Variants in GLRA2 observed in about 807,000 individuals in gnomAD.
GLRA2 encodes glycine receptor subunit alpha-2.
In GLRA2, 11 loss-of-function variants were observed where a neutral mutation model predicts 31.6. The observed-to-expected ratio is 0.35, with a 90% CI of 0.22 to 0.58. The LOEUF (loss-of-function observed/expected upper bound fraction) is 0.58, where lower values mean the gene tolerates loss of function less well. Ranked by LOEUF, GLRA2 falls within the 20% of genes least tolerant of loss-of-function variation. The pLI is 0.84. For synonymous variants in GLRA2, 132 were observed against 134.0 expected (o/e 0.99, Z 0.10); for missense variants, 212 against 351.8 (o/e 0.60, Z 3.18).
chrX:14,507,386 C>T, the GLRA2 span, among the ~76,000 whole-genome samples: 13 of 111,504 alleles, frequency 1.2e-4, no homozygotes, highest in African/African-American at 1.6e-4. Context: ...TCGTTGTGAA[C>T]GTTAAATTAT....
intron 8 of GLRA2, among the ~76,000 whole-genome samples, chrX:14,693,009 T>C (rs1417998753): frequency 9.2e-6 from 1 of 108,748 alleles, no homozygotes; most frequent in African/African-American, 3.4e-5. Context: ...AACCTGCACA[T>C]TGTGCACATG....
chrX:14,567,136 A>G (rs2089817935), intron 2 of GLRA2, among the ~76,000 whole-genome samples: 1 of 111,604 alleles, frequency 9.0e-6, no homozygotes, highest in Non-Finnish European at 1.9e-5. Context: ...ACAGTAGTTA[A>G]CAGCTAGGTT....
chrX:14,686,935 C>G (rs779229345), intron 7 of GLRA2, among the ~76,000 whole-genome samples: 5 of 112,111 alleles, frequency 4.5e-5, no homozygotes, highest in African/African-American at 1.6e-4. Flanking sequence ...TTTGCAGTGG[C>G]TGGTACTAGT....
At chrX:14,690,946 A>G in intron 8 of GLRA2, 87 bp downstream of exon 8, 1 of 978,433 alleles carries the variant, frequency 1.0e-6, no homozygotes, top group Non-Finnish European at 1.4e-6. Context: ...GCACACAATA[A>G]GCAAGAAGCC....
At chrX:14,465,172 G>A in the GLRA2 span, among the ~76,000 whole-genome samples, 4 of 111,501 alleles carry the variant, frequency 3.6e-5, no homozygotes, top group Admixed American at 1.9e-4. Context: ...TTCTTTCATC[G>A]GTGTTTTGTA....
intron 2 of GLRA2, among the ~76,000 whole-genome samples, chrX:14,571,101 C>G (rs865876067): frequency 9.0e-6 from 1 of 111,035 alleles, no homozygotes; most frequent in Non-Finnish European, 1.9e-5. Context: ...AAGGAAGGAA[C>G]GAAGGATAGG....
At chrX:14,475,265 G>A in the GLRA2 span, among the ~76,000 whole-genome samples, 107 of 112,536 alleles carry the variant, frequency 9.5e-4, 1 homozygote, top group African/African-American at 3.0e-3. Context: ...GCAAGCAGGC[G>A]CAACAATAAA....
intron 1 of GLRA2, among the ~76,000 whole-genome samples, chrX:14,530,430 C>G (rs2089239104): frequency 9.0e-6 from 1 of 111,300 alleles, no homozygotes; most frequent in Non-Finnish European, 1.9e-5. Context: ...AATTATTTTT[C>G]TGAAAGTAAT....
At chrX:14,637,092 C>T (rs1201393218) in intron 7 of GLRA2, among the ~76,000 whole-genome samples, 1 of 112,470 alleles carries the variant, frequency 8.9e-6, no homozygotes. Context: ...AGAGGAACTG[C>T]TCTTTCTTTT....
At chrX:14,557,309 G>GT (rs779344566) in intron 2 of GLRA2, among the ~76,000 whole-genome samples, 17 of 108,873 alleles carry the variant, frequency 1.6e-4, no homozygotes, top group Non-Finnish European at 3.1e-4. Context: ...TAGAGATGGG[G>GT]TTTCACCATG....
chrX:14,523,134 T>G, the GLRA2 span, among the ~76,000 whole-genome samples: 34 of 112,288 alleles, frequency 3.0e-4, no homozygotes, highest in African/African-American at 7.4e-4. Flanking sequence ...CAGATCTTCT[T>G]AATAACTCGT....
At chrX:14,455,740 T>A in the GLRA2 span, among the ~76,000 whole-genome samples, 69 of 111,986 alleles carry the variant, frequency 6.2e-4, no homozygotes, top group African/African-American at 2.2e-3. Flanking sequence ...TATCATGAAT[T>A]TGTGTTTAAT....
rs1288028906 is a variant in GLRA2, at chrX:14,622,204, GGTT to G, written c.930+13003_930+13005del. Among the ~76,000 whole-genome samples, 4 of 111,577 alleles carry G rather than the reference GGTT, an allele frequency of 3.6e-5. 1 individual carries two copies. Among genetic ancestry groups the G allele is most frequent in the Non-Finnish European group, 5.7e-5 (3 of 53,066 alleles). ...ATATCCTTCGCCCACTTGTTGATGG[GGTT>G]GTTTGATTTTTTTCTTGTAAATTTG... On this transcript the variant is annotated intron_variant, in intron 7 of 8. Coordinates refer to ENST00000218075, the MANE Select transcript of GLRA2 (RefSeq NM_002063.4).
chrX:14,622,521 G>A (rs5980050), intron 7 of GLRA2, among the ~76,000 whole-genome samples: 6,364 of 111,577 alleles, frequency 0.057, 357 homozygotes, highest in African/African-American at 0.18. Context: ...ATCTTGAATT[G>A]ATTTTTGTAT....
At chrX:14,661,917 C>G (rs1485249215) in intron 7 of GLRA2, among the ~76,000 whole-genome samples, 1 of 105,979 alleles carries the variant, frequency 9.4e-6, no homozygotes, top group East Asian at 2.9e-4. Flanking sequence ...CCAATATCAT[C>G]CACAGTCTAA....
intron 7 of GLRA2, among the ~76,000 whole-genome samples, chrX:14,682,011 GTA>G (rs1334385365): frequency 1.0e-5 from 1 of 97,888 alleles, no homozygotes; most frequent in African/African-American, 3.7e-5. Context: ...GTGTGTGTGT[GTA>G]TATATATAAA....
At chrX:14,509,199 T>A in the GLRA2 span, among the ~76,000 whole-genome samples, 1 of 112,305 alleles carries the variant, frequency 8.9e-6, no homozygotes, top group Non-Finnish European at 1.9e-5. Context: ...GATACAAAAG[T>A]AGAGATTACT....
At chrX:14,507,656 C>T in the GLRA2 span, among the ~76,000 whole-genome samples, 1 of 104,222 alleles carries the variant, frequency 9.6e-6, no homozygotes, top group African/African-American at 3.5e-5. Flanking sequence ...AATGTCCGAC[C>T]GACCACTTAA....
intron 2 of GLRA2, among the ~76,000 whole-genome samples, chrX:14,564,681 G>A (rs1211048436): frequency 2.7e-5 from 3 of 112,127 alleles, no homozygotes; most frequent in Non-Finnish European, 3.8e-5. Context: ...GATATAATCT[G>A]CAACAACAAA....
Sources: allele counts gnomAD v4.1 joint callset (sites outside exome capture counted in the v4.1 genomes callset), GRCh38; gene constraint gnomAD v4.1.1; transcripts MANE v1.5; gene names NCBI Gene and HGNC (gene_info 2026-07-23, HGNC 2026-07-21).